Variants in SMYD3 observed in about 807,000 individuals in gnomAD.
The protein encoded by SMYD3 is SET and MYND domain containing 3.
In SMYD3, 36 loss-of-function variants were observed where a neutral mutation model predicts 57.7. The ratio of observed to expected loss-of-function variants is 0.62; its 90% confidence interval spans 0.48 to 0.82. The LOEUF is 0.82. Among genes scored for constraint, SMYD3 ranks in the 40% least tolerant of loss-of-function variants. The probability of loss-of-function intolerance (pLI) is 0.00; values close to 1 mark genes in which losing one functional copy is unlikely to be tolerated. For missense variants in SMYD3, 515 were observed against 538.8 expected, an observed-to-expected ratio of 0.96 and a Z score of 0.44; for synonymous variants, 211 against 195.0, an observed-to-expected ratio of 1.08 and a Z score of -0.68.
At chr1:246,276,673 C>T (rs1296153911) in intron 5 of SMYD3, among the ~76,000 whole-genome samples, 1 of 148,700 alleles carries the variant, frequency 6.7e-6, no homozygotes. Context: ...CGTTTGAATA[C>T]TAACTCTGTT....
intron 1 of SMYD3, among the ~76,000 whole-genome samples, chr1:246,408,197 T>C (rs374483628): frequency 6.6e-6 from 1 of 152,168 alleles, no homozygotes; most frequent in Non-Finnish European, 1.5e-5. Flanking sequence ...ACAAACACTC[T>C]GACCACAACA....
intron 10 of SMYD3, among the ~76,000 whole-genome samples, chr1:245,777,159 G>A (rs1311802445): frequency 6.6e-6 from 1 of 152,114 alleles, no homozygotes; most frequent in African/African-American, 2.4e-5. Context: ...TAAGAATAAT[G>A]GTAATTACAG....
chr1:246,268,774 G>T (rs1208077166), intron 5 of SMYD3, among the ~76,000 whole-genome samples: 1 of 152,024 alleles, frequency 6.6e-6, no homozygotes, highest in Non-Finnish European at 1.5e-5. Flanking sequence ...CAGCCCCTAG[G>T]GCTGCTCTGT....
intron 11 of SMYD3, among the ~76,000 whole-genome samples, chr1:245,751,905 C>G (rs1019601246): frequency 1.3e-5 from 2 of 152,226 alleles, no homozygotes; most frequent in Non-Finnish European, 2.9e-5. Flanking sequence ...GACCAGCCCC[C>G]ACCTTGCAAG....
intron 9 of SMYD3, among the ~76,000 whole-genome samples, chr1:245,860,560 C>T (rs2051483499): frequency 6.6e-6 from 1 of 152,218 alleles, no homozygotes; most frequent in East Asian, 1.9e-4. Context: ...CAATGCACAG[C>T]TGAGAGCCTG....
intron 5 of SMYD3, among the ~76,000 whole-genome samples, chr1:246,078,945 T>C (rs1189500771): frequency 6.6e-6 from 1 of 152,092 alleles, no homozygotes; most frequent in African/African-American, 2.4e-5. Context: ...CTCATTTTTA[T>C]GGAGGTTATA....
chr1:246,091,334 G>A (rs772652659), intron 5 of SMYD3, among the ~76,000 whole-genome samples: 19 of 152,124 alleles, frequency 1.2e-4, no homozygotes, highest in Admixed American at 3.9e-4. Context: ...AGCCTCCACC[G>A]CTGGATGGGT....
chr1:246,042,343 G>T (rs1486632414), intron 5 of SMYD3, among the ~76,000 whole-genome samples: 1 of 152,158 alleles, frequency 6.6e-6, no homozygotes, highest in African/African-American at 2.4e-5. Flanking sequence ...AAAAACTGTG[G>T]AGGAAAATCC....
At chr1:246,388,120 A>G (rs2066516508) in intron 1 of SMYD3, among the ~76,000 whole-genome samples, 2 of 98,332 alleles carry the variant, frequency 2.0e-5, no homozygotes, top group African/African-American at 8.1e-5. Context: ...CTCGAGGTTG[A>G]AGTCAGTTTC....
intron 7 of SMYD3, among the ~76,000 whole-genome samples, chr1:245,922,931 A>G (rs1208174411): frequency 1.3e-5 from 2 of 152,168 alleles, no homozygotes; most frequent in South Asian, 2.1e-4. Flanking sequence ...GTCTTACTCA[A>G]TTTTGTAGTC....
At chr1:246,232,260 G>C (rs1195487788) in intron 5 of SMYD3, among the ~76,000 whole-genome samples, 1 of 152,168 alleles carries the variant, frequency 6.6e-6, no homozygotes, top group Non-Finnish European at 1.5e-5. Context: ...GACACCAGGA[G>C]AATTAGGCAC....
intron 5 of SMYD3, among the ~76,000 whole-genome samples, chr1:246,144,803 T>TG (rs777055156): frequency 5.1e-4 from 78 of 152,222 alleles, no homozygotes; most frequent in Non-Finnish European, 1.0e-3. Flanking sequence ...ATAAAACACT[T>TG]GGACACAGGC....
intron 5 of SMYD3, among the ~76,000 whole-genome samples, chr1:246,279,307 G>C (rs1469031485): frequency 1.3e-5 from 2 of 152,116 alleles, no homozygotes; most frequent in Non-Finnish European, 2.9e-5. Context: ...GATCACCTGA[G>C]GTCAGGAGTT....
chr1:246,049,196 T>C (rs1302681992), intron 5 of SMYD3, among the ~76,000 whole-genome samples: 1 of 150,318 alleles, frequency 6.7e-6, no homozygotes, highest in Non-Finnish European at 1.5e-5. Context: ...ATCCTGACAA[T>C]AAACGACTCT....
Position 246,134,908 on chromosome 1 carries a change from C to G in SMYD3, c.531+192293G>C, listed in dbSNP as rs184666529. ...ATATCACACCAAACTAAAATTACAT[C>G]CCCAAGAAAATGTTCCCAGTCAAGC... On this transcript the variant is annotated intron_variant, in intron 5 of 11. Transcript: ENST00000490107. Among the ~76,000 whole-genome samples the G allele has an allele frequency of 1.3e-4, 19 of 150,946 alleles. No homozygotes were observed. In the East Asian group the frequency reaches 2.7e-3, roughly 22 times the overall value.
rs74163421 is a variant in SMYD3, at chr1:246,245,120, C to CTT, written c.531+82079_531+82080dup. On this transcript the variant is annotated intron_variant, in intron 5 of 11. Coordinates refer to ENST00000490107, the MANE Select transcript of SMYD3 (RefSeq NM_001167740.2). ...CCTAAAAGAATTCAGCAGCTACTGCCTTTTTTTTTTTTTTTTTTTTTAGTT... is the reference window on the plus strand; with the variant it reads ...CCTAAAAGAATTCAGCAGCTACTGCCTTTTTTTTTTTTTTTTTTTTTTTAGTT... Among the ~76,000 whole-genome samples, 311 of 122,942 alleles carry CTT rather than the reference C, an allele frequency of 2.5e-3. 3 individuals carry two copies. The highest frequency in any genetic ancestry group is 0.022 in the East Asian group (100 of 4,554). The allele number at this position is 122,942 out of a possible 152,430, so 80.7% of individuals were successfully genotyped here.
At chr1:246,225,289 G>A (rs777270044) in intron 5 of SMYD3, among the ~76,000 whole-genome samples, 5 of 135,596 alleles carry the variant, frequency 3.7e-5, no homozygotes, top group Admixed American at 2.4e-4. Context: ...AGCCAAGATA[G>A]GGGTCAGTTA....
intron 8 of SMYD3, among the ~76,000 whole-genome samples, chr1:245,894,491 G>T (rs1388046063): frequency 6.6e-6 from 1 of 151,978 alleles, no homozygotes; most frequent in Non-Finnish European, 1.5e-5. Flanking sequence ...CTTACTCTTT[G>T]GGTCCGTGCC....
chr1:245,880,718 G>C (rs71636593), intron 8 of SMYD3, among the ~76,000 whole-genome samples: 297 of 152,322 alleles, frequency 1.9e-3, no homozygotes, highest in Non-Finnish European at 2.7e-3. Context: ...AGAAACCTGA[G>C]TGCTCTCTGC....
Sources: gnomAD v4.1 joint callset for allele counts (sites outside exome capture counted in the v4.1 genomes callset) on GRCh38, gnomAD v4.1.1 for gene constraint, MANE v1.5 for transcripts, NCBI Gene and HGNC (gene_info 2026-07-23, HGNC 2026-07-21) for gene names.